Variants in C2 observed in about 807,000 individuals in gnomAD.
C2 encodes the protein complement C2, also known as C3/C5 convertase.
C2 carries 64 observed loss-of-function variants against 85.2 expected under a neutral mutation model. The observed-to-expected ratio is 0.75, with a 90% CI of 0.61 to 0.92. The LOEUF (loss-of-function observed/expected upper bound fraction) is 0.92. C2 is among the 40% of genes least tolerant of loss of function. C2 has a pLI of 0.00. For missense variants in C2, 820 were observed against 971.6 expected (o/e 0.84, Z 2.07); for synonymous variants, 311 against 370.8 (o/e 0.84, Z 1.85).
chr6:31,900,794 G>A, upstream of C2: 1 of 1,598,308 alleles, frequency 6.3e-7, no homozygotes, highest in Non-Finnish European at 8.5e-7. This position sits in a 1 kb window ranked among gnomAD's most constrained non-coding sequence, Gnocchi z 9.7. Flanking sequence ...AGGGGGTAGA[G>A]GAGGTGGGGG....
chr6:31,898,675 C>T (rs903198094), upstream of C2, among the ~76,000 whole-genome samples: 2 of 144,084 alleles, frequency 1.4e-5, no homozygotes, highest in Non-Finnish European at 3.0e-5. Flanking sequence ...TTCCTGAAGA[C>T]ATGACCTATT....
chr6:31,936,402 A>G, intron 7 of C2: 1 of 359,240 alleles, frequency 2.8e-6, no homozygotes. Flanking sequence ...GTTGGCACTT[A>G]GCAAATGGCT....
intron 9 of C2, among the ~76,000 whole-genome samples, chr6:31,940,693 C>T (rs9332726): frequency 2.1e-3 from 323 of 152,320 alleles, no homozygotes; most frequent in African/African-American, 7.3e-3. Flanking sequence ...TTAAAGCCCA[C>T]TCCCTTCCTC....
chr6:31,926,457 C>G (rs985067168), upstream of C2, among the ~76,000 whole-genome samples: 17 of 150,948 alleles, frequency 1.1e-4, no homozygotes, highest in East Asian at 1.2e-3. Context: ...CTCAGCCTCC[C>G]GAGTAGCTGG....
In C2 at chr6:31,904,313, T is replaced by G. The variant is rs1259694513; in HGVS notation, c.73+3174T>G. 6.6e-6 allele frequency among the ~76,000 whole-genome samples: 1 copy of G among 151,968 alleles called. No homozygotes were observed. The highest frequency in any genetic ancestry group is 1.9e-4 in the East Asian group (1 of 5,192). Reference sequence around the variant, plus strand: ...TCAAAAGAATTTTATTTTATTTTAATTAATTAATTAATTTATTTAGCTGGA... The same window carrying G: ...TCAAAAGAATTTTATTTTATTTTAAGTAATTAATTAATTTATTTAGCTGGA... On this transcript the variant is annotated intron_variant, in intron 1 of 3. Transcript: ENST00000452202. The surrounding 1 kb of genome is among the most constrained non-coding windows in gnomAD (Gnocchi z 4.4).
Position 31,943,693 on chromosome 6 carries a change from G to C in C2, c.1617G>C (p.Val539=). 1.2e-6 allele frequency: 2 copies of C among 1,613,100 alleles called. No individual in the cohort carries two copies. Among genetic ancestry groups the C allele is most frequent in the Non-Finnish European group, 1.7e-6 (2 of 1,180,020 alleles). Residue 539 remains valine, a synonymous_variant, in exon 13 of 18, where the codon GTG becomes GTC. Transcript: ENST00000299367. The surrounding 1 kb of genome is among the most constrained non-coding windows in gnomAD (Gnocchi z 6.4). ...WGKEFLIEKA[V]ISPGFDVFAK... is the part of the protein sequence containing the mutation. The stretch of plus-strand genomic sequence containing the variant: ...AAGAATTCCTTATTGAGAAGGCGGT[G>C]ATCTCCCCAGGGTTTGATGTCTTTG...
chr6:31,905,083 T>A (rs1168538274), intron 1 of C2, among the ~76,000 whole-genome samples: 3 of 152,054 alleles, frequency 2.0e-5, no homozygotes, highest in African/African-American at 4.8e-5. Flanking sequence ...TGTCCTTAGC[T>A]TGCAGTACCA....
intron 1 of C2, among the ~76,000 whole-genome samples, chr6:31,903,365 C>CA (rs1767506935): frequency 1.3e-5 from 2 of 152,218 alleles, no homozygotes; most frequent in African/African-American, 4.8e-5. Flanking sequence ...TGTGGTGGCT[C>CA]ACGCCTGTAA....
chr6:31,928,154 G>A lies in C2; in HGVS notation c.246G>A (p.Ala82=), dbSNP rs754668308. 5.2e-5 allele frequency: 83 copies of A among 1,608,610 alleles called. No individual in the cohort carries two copies. Among genetic ancestry groups the A allele is most frequent in the Middle Eastern group, 1.6e-4 (1 of 6,082 alleles). The change falls in exon 2 of 18, where the codon GCG becomes GCA. Residue 82 remains alanine (A), a synonymous_variant. Transcript: ENST00000299367. ...GAGCCACCCGGTCTCTGTCTAAGGC[G>A]GTCTGCAAACGTGAGGCTCCCTGTG... is the stretch of plus-strand genomic sequence containing the variant. The part of the protein sequence containing the change: ...TPGATRSLSK[A]VCKPVRCPAP...
Position 31,922,709 on chromosome 6 carries a change from G to A in C2, c.-100+2683G>A, listed in dbSNP as rs1052124601. On this transcript the variant is annotated intron_variant, in intron 1 of 3. Coordinates refer to the C2 transcript ENST00000413154. The surrounding 1 kb of genome is among the most constrained non-coding windows in gnomAD (Gnocchi z 4.8). Reference sequence around the variant, plus strand: ...ATACAAAAATTAGCTGGGCATGGTAGCACATGCCTGTAATCCCAGCTACTT... The same window carrying A: ...ATACAAAAATTAGCTGGGCATGGTAACACATGCCTGTAATCCCAGCTACTT... 2.0e-5 allele frequency among the ~76,000 whole-genome samples: 3 copies of A among 152,182 alleles called. No individual in the cohort carries two copies. Among genetic ancestry groups the A allele is most frequent in the African/African-American group, 7.2e-5 (3 of 41,432 alleles).
intron 1 of C2, among the ~76,000 whole-genome samples, chr6:31,912,920 G>A (rs559138971): frequency 2.0e-4 from 30 of 150,652 alleles, no homozygotes; most frequent in Non-Finnish European, 3.8e-4. Flanking sequence ...CAGGCCAAGC[G>A]CAGTGGCTCA....
intron 9 of C2, 156 bp from the exon 10 acceptor site, chr6:31,942,803 C>T: frequency 1.2e-6 from 1 of 817,072 alleles, no homozygotes; most frequent in South Asian, 1.6e-5. Context: ...CAGGGAGTGG[C>T]AGGAAATGAA....
At chr6:31,930,990 C>G (rs1190150691) in intron 3 of C2, among the ~76,000 whole-genome samples, 2 of 152,240 alleles carry the variant, frequency 1.3e-5, no homozygotes, top group Non-Finnish European at 2.9e-5. Flanking sequence ...AACTGCTCTT[C>G]TGACCTCTGT....
Position 31,938,814 on chromosome 6 carries a change from C to T in C2, c.1130-417C>T, listed in dbSNP as rs373813197. Among the ~76,000 whole-genome samples, 42 of 152,254 alleles carry T rather than the reference C, an allele frequency of 2.8e-4. No individual in the cohort carries two copies. In the East Asian group the frequency reaches 5.0e-3, roughly 18 times the overall value. On this transcript the variant is annotated intron_variant, in intron 8 of 17. Coordinates refer to ENST00000299367, the MANE Select transcript of C2 (RefSeq NM_000063.6). ...GATTACAGGCATGTGCCACCACACC[C>T]GGCTAATTTTGTATATTTAGTAGAG...
chr6:31,939,942 C>T (rs1248932837), intron 9 of C2, among the ~76,000 whole-genome samples: 1 of 151,928 alleles, frequency 6.6e-6, no homozygotes, highest in Non-Finnish European at 1.5e-5. Flanking sequence ...ATGCCCGGCT[C>T]ATTTTTGCAT....
chr6:31,918,810 G>A, upstream of C2, among the ~76,000 whole-genome samples: 1 of 149,460 alleles, frequency 6.7e-6, no homozygotes, highest in Non-Finnish European at 1.5e-5. Context: ...TTGAACCTGG[G>A]AGGCAGAGGT....
At chr6:31,900,609 G>A, upstream of C2, 1 of 1,612,640 alleles carries the variant, frequency 6.2e-7, no homozygotes, top group Non-Finnish European at 8.5e-7. This position sits in a 1 kb window ranked among gnomAD's most constrained non-coding sequence, Gnocchi z 9.7. Flanking sequence ...CCAATGCCCA[G>A]ACCCCCTCCC....
intron 1 of C2, among the ~76,000 whole-genome samples, chr6:31,914,935 A>G (rs1043613752): frequency 6.6e-6 from 1 of 152,038 alleles, no homozygotes; most frequent in African/African-American, 2.4e-5. Context: ...AACAACAAAA[A>G]CAATGAACAA....
In C2 at chr6:31,943,626, C is replaced by A; in HGVS notation, c.1568-18C>A. On this transcript the variant is annotated intron_variant, in intron 12 of 17. Transcript: ENST00000299367. The surrounding 1 kb of genome is among the most constrained non-coding windows in gnomAD (Gnocchi z 6.4). Reference sequence around the variant, plus strand: ...TGCAGGAGCCCTGGTCTAGCCTAATCTAGTGTATCATTTCCAGGAGACCCC... The same window carrying A: ...TGCAGGAGCCCTGGTCTAGCCTAATATAGTGTATCATTTCCAGGAGACCCC... 1.2e-6 allele frequency: 2 copies of A among 1,612,872 alleles called. No individual in the cohort carries two copies. Among genetic ancestry groups the A allele is most frequent in the Non-Finnish European group, 1.7e-6 (2 of 1,179,838 alleles).
Sources: gnomAD v4.1 joint callset for allele counts (sites outside exome capture counted in the v4.1 genomes callset) on GRCh38, gnomAD v4.1.1 for gene constraint, Gnocchi (gnomAD v3.1) non-coding constraint, MANE v1.5 for transcripts, NCBI Gene and HGNC (gene_info 2026-07-23, HGNC 2026-07-21) for gene names.